The following PCDH15 variants were observed in gnomAD, a reference collection of about 807,000 sequenced individuals.
PCDH15 encodes protocadherin related 15.
In PCDH15, 129 loss-of-function variants were observed where a neutral mutation model predicts 178.5. The observed-to-expected ratio is 0.72, with a 90% CI of 0.63 to 0.84. The LOEUF (loss-of-function observed/expected upper bound fraction) is 0.84. Ranked by LOEUF, PCDH15 falls within the 40% of genes least tolerant of loss-of-function variation. The pLI, the probability that PCDH15 is intolerant of heterozygous loss-of-function variation, is 0.00. For synonymous variants in PCDH15, 800 were observed against 732.0 expected, an observed-to-expected ratio of 1.09 and a Z score of -1.50; for missense variants, 2,230 against 2,099.9, an observed-to-expected ratio of 1.06 and a Z score of -1.21.
intron 2 of PCDH15, among the ~76,000 whole-genome samples, chr10:55,467,966 C>CAAAA (rs71463104): frequency 0.03 from 1,081 of 36,600 alleles, 93 homozygotes; most frequent in Non-Finnish European, 0.039. Context: ...GACTCCGTCT[C>CAAAA]AAAAAAAAAA....
intron 3 of PCDH15, among the ~76,000 whole-genome samples, chr10:54,488,958 A>T (rs1589675580): frequency 6.6e-6 from 1 of 152,182 alleles, no homozygotes; most frequent in Middle Eastern, 3.4e-3. Context: ...GCGCAAAATT[A>T]GACTATTTCT....
At chr10:54,681,476 C>T (rs1219257302) in intron 1 of PCDH15, among the ~76,000 whole-genome samples, 1 of 124,670 alleles carries the variant, frequency 8.0e-6, no homozygotes, top group Non-Finnish European at 1.9e-5. Flanking sequence ...AGAGGGAATG[C>T]CTGAAGCCAA....
At chr10:54,490,721 G>C (rs2079518156) in intron 3 of PCDH15, among the ~76,000 whole-genome samples, 1 of 151,994 alleles carries the variant, frequency 6.6e-6, no homozygotes, top group African/African-American at 2.4e-5. Flanking sequence ...AAATATCAAT[G>C]ACTAGTAAAA....
chr10:55,277,580 C>T (rs185879532), intron 1 of PCDH15, among the ~76,000 whole-genome samples: 2 of 152,178 alleles, frequency 1.3e-5, no homozygotes, highest in East Asian at 1.9e-4. Flanking sequence ...TTCCTGGAAG[C>T]ATACAAAACT....
At chr10:55,135,810 C>T (rs1160289471) in intron 2 of PCDH15, among the ~76,000 whole-genome samples, 1 of 151,870 alleles carries the variant, frequency 6.6e-6, no homozygotes, top group Non-Finnish European at 1.5e-5. Context: ...TCTTGAACTC[C>T]TGACCTAAGA....
intron 2 of PCDH15, among the ~76,000 whole-genome samples, chr10:54,980,877 A>G (rs1839217334): frequency 1.3e-5 from 2 of 152,120 alleles, no homozygotes; most frequent in African/African-American, 4.8e-5. Flanking sequence ...AATTGAATAT[A>G]GAAATGAGTG....
intron 3 of PCDH15, among the ~76,000 whole-genome samples, chr10:54,821,446 G>A (rs1226276508): frequency 6.6e-6 from 1 of 151,808 alleles, no homozygotes; most frequent in East Asian, 1.9e-4. Context: ...AAAATTAGAA[G>A]TAAAAGTGAA....
intron 2 of PCDH15, among the ~76,000 whole-genome samples, chr10:54,551,154 C>CAAAAAAA (rs57337778): frequency 7.6e-5 from 4 of 52,420 alleles, no homozygotes; most frequent in African/African-American, 7.7e-5. Context: ...GACTCTGTCT[C>CAAAAAAA]AAAAAAAAAA....
intron 2 of PCDH15, among the ~76,000 whole-genome samples, chr10:55,121,406 G>A (rs889377751): frequency 4.6e-5 from 7 of 151,348 alleles, no homozygotes; most frequent in African/African-American, 7.3e-5. Context: ...GAGTTCCACC[G>A]ATATCTGCTT....
intron 2 of PCDH15, among the ~76,000 whole-genome samples, chr10:55,051,517 C>T (rs1591860444): frequency 6.6e-6 from 1 of 152,134 alleles, no homozygotes; most frequent in Non-Finnish European, 1.5e-5. Flanking sequence ...GTAAATCTTT[C>T]TTATTCCCGA....
chr10:55,061,328 A>G (rs1370258933), intron 2 of PCDH15, among the ~76,000 whole-genome samples: 1 of 152,196 alleles, frequency 6.6e-6, no homozygotes, highest in Admixed American at 6.5e-5. Flanking sequence ...CATATATCAC[A>G]AAGGAAATGC....
chr10:54,228,782 A>T (rs2053739899), intron 9 of PCDH15, among the ~76,000 whole-genome samples: 1 of 152,166 alleles, frequency 6.6e-6, no homozygotes. Flanking sequence ...GTAAGAGCAG[A>T]TCTTCTTCAC....
At chr10:54,448,811 A>G (rs2076294364) in intron 3 of PCDH15, among the ~76,000 whole-genome samples, 1 of 151,790 alleles carries the variant, frequency 6.6e-6, no homozygotes, top group Non-Finnish European at 1.5e-5. Context: ...TCATAGTGTC[A>G]TTTAATCAAA....
intron 2 of PCDH15, among the ~76,000 whole-genome samples, chr10:54,930,870 A>C (rs1457624774): frequency 1.3e-5 from 2 of 152,188 alleles, no homozygotes; most frequent in Non-Finnish European, 2.9e-5. Context: ...AGACATACGT[A>C]ATCAATTACA....
intron 3 of PCDH15, among the ~76,000 whole-genome samples, chr10:54,894,831 T>C (rs1408211340): frequency 3.9e-5 from 6 of 152,164 alleles, no homozygotes; most frequent in Admixed American, 3.3e-4. Flanking sequence ...GAATGTTAAA[T>C]ATTCTAAAAC....
At chr10:53,834,227 T>TCCTC (rs2077174983) in intron 29 of PCDH15, among the ~76,000 whole-genome samples, 2 of 152,104 alleles carry the variant, frequency 1.3e-5, no homozygotes, top group Non-Finnish European at 2.9e-5. Flanking sequence ...GAAAGTGGAA[T>TCCTC]TCTTTTACCA....
intron 8 of PCDH15, among the ~76,000 whole-genome samples, chr10:54,307,365 G>T (rs911759483): frequency 6.6e-6 from 1 of 150,848 alleles, no homozygotes; most frequent in Admixed American, 6.7e-5. Flanking sequence ...TGGAAAAACA[G>T]CACAATTGCC....
rs547284797 is a variant in PCDH15 at position 55,313,168 on chromosome 10, C to G, written c.-156+6431G>C. 5.0e-4 allele frequency among the ~76,000 whole-genome samples: 76 copies of G among 152,144 alleles called. No individual in the cohort carries two copies. In the East Asian group the frequency reaches 5.6e-3, roughly 11 times the overall value. ...GCTCTCCTACACATAAGACACTACT[C>G]ATACATATATATTCCAAATGTCTCT... On this transcript the variant is annotated intron_variant, in intron 1 of 5. Transcript: ENST00000458638.
intron 2 of PCDH15, among the ~76,000 whole-genome samples, chr10:55,480,778 T>A (rs1840162090): frequency 6.6e-6 from 1 of 151,900 alleles, no homozygotes; most frequent in Admixed American, 6.6e-5. Context: ...TCAAAGATAT[T>A]GGCCTGAAGT....
Sources: gnomAD v4.1 joint callset for allele counts (sites outside exome capture counted in the v4.1 genomes callset) on GRCh38, gnomAD v4.1.1 for gene constraint, MANE v1.5 for transcripts, NCBI Gene and HGNC (gene_info 2026-07-23, HGNC 2026-07-21) for gene names.